DDB1: variants seen among roughly 807,000 people sequenced by gnomAD.
The protein encoded by DDB1 is damage specific DNA binding protein 1, also known as DNA damage-binding protein 1.
DDB1 carries 18 observed loss-of-function variants against 133.1 expected under a neutral mutation model. The observed-to-expected ratio is 0.14, with a 90% CI of 0.09 to 0.20. The LOEUF is 0.20. Among genes scored for constraint, DDB1 ranks in the 10% least tolerant of loss-of-function variants. The probability of loss-of-function intolerance (pLI) is 1.00; values close to 1 mark genes in which losing one functional copy is unlikely to be tolerated. For synonymous variants in DDB1, 580 were observed against 550.5 expected (o/e 1.05, Z -0.75); for missense variants, 828 against 1,459.2 (o/e 0.57, Z 7.05).
At chr11:61,313,421 T>C in intron 16 of DDB1, 78 bp downstream of exon 16, 2 of 1,342,166 alleles carry the variant, frequency 1.5e-6, no homozygotes, top group Non-Finnish European at 2.1e-6. Context: ...GGAAAAAGGC[T>C]TTGAGGTAAG....
intron 4 of DDB1, among the ~76,000 whole-genome samples, chr11:61,328,887 A>T (rs770971675): frequency 9.9e-5 from 15 of 152,170 alleles, no homozygotes; most frequent in South Asian, 2.1e-4. Flanking sequence ...ATAATAAAAT[A>T]AAATTAAAAT....
In DDB1 at chr11:61,305,282, G is replaced by A. The variant is rs1471814478; in HGVS notation, c.2662-1247C>T. ...CCAGCATTTTGGGAGGCCAAGGCAG[G>A]CGGATCACGAGGTCAGGAGATCGAG... On this transcript the variant is annotated intron_variant, in intron 21 of 26. Transcript: ENST00000301764. Among the ~76,000 whole-genome samples the A allele has an allele frequency of 2.6e-5, 4 of 152,348 alleles. No individual in the cohort carries two copies. The South Asian group carries it at 8.3e-4, about 32-fold the overall frequency.
chr11:61,321,736 G>T, intron 9 of DDB1, 39 bp from the exon 10 acceptor site: 2 of 1,570,268 alleles, frequency 1.3e-6, no homozygotes, highest in Non-Finnish European at 8.8e-7. Context: ...ACCCCCTCAA[G>T]ATACTGGGCC....
At chr11:61,300,368 G>T in intron 26 of DDB1, 149 bp from the exon 27 acceptor site, 1 of 765,376 alleles carries the variant, frequency 1.3e-6, no homozygotes, top group African/African-American at 1.7e-5. Context: ...CTCCCCCTGG[G>T]TGGCACAGGT....
At chr11:61,300,502 A>G (rs1007341484) in intron 26 of DDB1, among the ~76,000 whole-genome samples, 2 of 152,074 alleles carry the variant, frequency 1.3e-5, no homozygotes, top group African/African-American at 4.8e-5. Flanking sequence ...TCTCCTCCCT[A>G]CGGGATCCTG....
At position 61,302,667 on chromosome 11, in the gene DDB1, G is replaced by C; in HGVS notation, c.3027C>G (p.His1009Gln). 1 of 1,614,226 alleles carries C rather than the reference G, an allele frequency of 6.2e-7. No individual in the cohort carries two copies. The highest frequency in any genetic ancestry group is 8.5e-7 in the Non-Finnish European group (1 of 1,180,048). ...CCAGATTCTGCATTACCAGAGAGCCGTGGCAAAAGACATTGACAAACTCGC... is the reference window on the plus strand; with the variant it reads ...CCAGATTCTGCATTACCAGAGAGCCCTGGCAAAAGACATTGACAAACTCGC... ...HLGEFVNVFC[H>Q]GSLVMQNLGE... Residue 1009 changes from histidine (H) to glutamine (Q), a missense_variant, in exon 24 of 27, where the codon CAC becomes CAG. Physicochemically the swap from His to Gln is conservative, Grantham distance 24 (BLOSUM62 0). Transcript: ENST00000301764.
At chr11:61,312,469 T>C (rs753973583) in intron 16 of DDB1, among the ~76,000 whole-genome samples, 10 of 151,564 alleles carry the variant, frequency 6.6e-5, no homozygotes, top group Non-Finnish European at 1.5e-4. Context: ...GGCTTGAGCA[T>C]CTGCATTTCT....
intron 24 of DDB1, 63 bp from the exon 25 acceptor site, chr11:61,302,422 G>A (rs1002911613): frequency 5.9e-5 from 93 of 1,588,152 alleles, no homozygotes; most frequent in South Asian, 3.4e-4. Flanking sequence ...TATCCTCTAC[G>A]TAAAGGGCAG....
Position 61,329,951 on chromosome 11 carries a change from A to T in DDB1, c.327+7T>A, listed in dbSNP as rs773688759. 14 of 1,607,686 alleles carry T rather than the reference A, an allele frequency of 8.7e-6. No individual in the cohort carries two copies. In the East Asian group the frequency reaches 3.1e-4, roughly 36 times the overall value. On this transcript the variant is annotated splice_region_variant and intron_variant, in intron 3 of 26. Transcript: ENST00000301764. ...AAACTTTCATTGGCCTAAAGCAGCC[A>T]CCTCACCTGGACATTGCCATGGGCT...
intron 4 of DDB1, among the ~76,000 whole-genome samples, chr11:61,327,233 G>T (rs1565038323): frequency 6.6e-6 from 1 of 152,192 alleles, no homozygotes; most frequent in African/African-American, 2.4e-5. Context: ...ACTTTGGAAG[G>T]CTGAGGTGGG....
intron 24 of DDB1, 57 bp from the exon 25 acceptor site, chr11:61,302,416 C>A: frequency 6.3e-7 from 1 of 1,596,724 alleles, no homozygotes; most frequent in South Asian, 1.1e-5. Context: ...AGCATGTATC[C>A]TCTACGTAAA....
intron 18 of DDB1, 70 bp downstream of exon 18, chr11:61,311,714 C>T: frequency 2.1e-6 from 3 of 1,404,718 alleles, no homozygotes; most frequent in Non-Finnish European, 2.9e-6. Context: ...AAAGCCTTCA[C>T]TACCTGGCCT....
chr11:61,329,273 A>G, intron 4 of DDB1, 90 bp downstream of exon 4: 1 of 1,161,846 alleles, frequency 8.6e-7, no homozygotes, highest in Non-Finnish European at 1.3e-6. Context: ...ACTTCTCTCT[A>G]TCCTACCAAA....
At position 61,329,600 on chromosome 11, in the gene DDB1, G is replaced by T; in HGVS notation, c.328-16C>A. 1 of 1,590,250 alleles carries T rather than the reference G, an allele frequency of 6.3e-7. No individual in the cohort carries two copies. ...CAATGCGGTCCTGAGAAACAAAATC[G>T]GGATTAGGGAAGAACCTCAACATCC... On this transcript the variant is annotated splice_polypyrimidine_tract_variant and intron_variant, in intron 3 of 26. Transcript: ENST00000301764.
chr11:61,302,452 G>C, intron 24 of DDB1, 93 bp from the exon 25 acceptor site: 1 of 1,563,156 alleles, frequency 6.4e-7, no homozygotes, highest in East Asian at 2.2e-5. Flanking sequence ...GCAGCTCAGG[G>C]AGGGCTAATG....
chr11:61,331,491 AC>A, intron 2 of DDB1, 51 bp downstream of exon 2: 1 of 1,592,250 alleles, frequency 6.3e-7, no homozygotes, highest in East Asian at 2.3e-5. Flanking sequence ...ACATAAAACA[AC>A]CTACGACCAA....
intron 4 of DDB1, 38 bp downstream of exon 4, chr11:61,329,325 A>C: frequency 6.3e-7 from 1 of 1,598,098 alleles, no homozygotes; most frequent in Non-Finnish European, 8.6e-7. Context: ...TATCACATCA[A>C]CCTCACAGTT....
chr11:61,319,740 C>T (rs1230265500), intron 10 of DDB1, among the ~76,000 whole-genome samples: 3 of 152,154 alleles, frequency 2.0e-5, no homozygotes. Context: ...TCTCATTGCT[C>T]TTTTTAAAGT....
intron 21 of DDB1, among the ~76,000 whole-genome samples, chr11:61,305,864 G>C (rs1046401638): frequency 1.3e-5 from 2 of 152,176 alleles, no homozygotes; most frequent in African/African-American, 4.8e-5. Context: ...AGTCCATGTT[G>C]AGATGTGTTC....
Sources: gnomAD v4.1 joint callset for allele counts (sites outside exome capture counted in the v4.1 genomes callset) on GRCh38, gnomAD v4.1.1 for gene constraint, MANE v1.5 for transcripts, NCBI Gene and HGNC (gene_info 2026-07-23, HGNC 2026-07-21) for gene names.